Variants in NFIX observed in about 807,000 individuals in gnomAD.
NFIX encodes the protein nuclear factor 1 X-type.
Under a neutral mutation model 53.3 loss-of-function variants are expected in NFIX, and 2 were observed. The ratio of observed to expected loss-of-function variants is 0.04; its 90% CI spans 0.02 to 0.12. The LOEUF (loss-of-function observed/expected upper bound fraction) is 0.12. Ranked by LOEUF, NFIX falls within the 10% of genes least tolerant of loss-of-function variation. NFIX has a pLI of 1.00. For synonymous variants in NFIX, 244 were observed against 289.0 expected (o/e 0.84, Z 1.58); for missense variants, 310 against 674.5 (o/e 0.46, Z 5.99).
Position 13,073,810 on chromosome 19 carries a change from C to T in NFIX, c.698-96C>T, listed in dbSNP as rs1456865938. 6.5e-7 allele frequency: 1 copy of T among 1,536,742 alleles called. No homozygotes were observed. Among genetic ancestry groups the T allele is most frequent in the East Asian group, 2.3e-5 (1 of 42,744 alleles). On this transcript the variant is annotated intron_variant, in intron 4 of 10. Transcript: ENST00000592199. The surrounding 1 kb of genome is among the most constrained non-coding windows in gnomAD (Gnocchi z 4.5). Reference sequence around the variant, plus strand: ...CCATCTCCTGGCCCCACAGTAAACTCACCCTGGGCTTCTGGGAAGCTGTTC... The same window carrying T: ...CCATCTCCTGGCCCCACAGTAAACTTACCCTGGGCTTCTGGGAAGCTGTTC...
intron 2 of NFIX, among the ~76,000 whole-genome samples, chr19:13,030,457 T>C (rs1168471933): frequency 1.3e-5 from 2 of 152,202 alleles, no homozygotes; most frequent in African/African-American, 4.8e-5. Context: ...TACTTGTTGG[T>C]CTTTTTTTTC....
Position 13,067,966 on chromosome 19 carries a change from CTGG to C in NFIX, c.560-5078_560-5076del, listed in dbSNP as rs1301058450. 6.6e-6 allele frequency among the ~76,000 whole-genome samples: 1 copy of C among 151,824 alleles called. No individual in the cohort carries two copies. The highest frequency in any genetic ancestry group is 2.4e-5 in the African/African-American group (1 of 41,328). ...TAAAAATACAAAAAATTAGCTGGTC[CTGG>C]TGACAGGTGCCTGTAGTTCCCAGTA... On this transcript the variant is annotated intron_variant, in intron 2 of 10. Coordinates refer to ENST00000592199, the MANE Select transcript of NFIX (RefSeq NM_001365902.3). The surrounding 1 kb of genome is among the most constrained non-coding windows in gnomAD (Gnocchi z 4.2).
intron 5 of NFIX, 146 bp downstream of exon 5, chr19:13,074,172 T>C (rs909884304): frequency 2.8e-6 from 3 of 1,077,166 alleles, no homozygotes; most frequent in South Asian, 1.5e-5. Flanking sequence ...TCTAACACTT[T>C]AGAGTCCACC....
At chr19:13,007,691 C>G (rs1048622286) in intron 1 of NFIX, among the ~76,000 whole-genome samples, 3 of 152,212 alleles carry the variant, frequency 2.0e-5, no homozygotes, top group Admixed American at 2.0e-4. Context: ...TCGGAGGAAC[C>G]GGTTTAATGC....
intron 2 of NFIX, among the ~76,000 whole-genome samples, chr19:13,057,986 G>A (rs551943017): frequency 2.0e-5 from 3 of 152,278 alleles, no homozygotes; most frequent in East Asian, 3.9e-4. Context: ...ATCCTGGAGG[G>A]CTGGGGAGAG....
chr19:13,050,128 C>G (rs1007502938), intron 2 of NFIX, among the ~76,000 whole-genome samples: 1 of 152,176 alleles, frequency 6.6e-6, no homozygotes, highest in Admixed American at 6.5e-5. Flanking sequence ...TCTTGTCTGC[C>G]CAGCAGTGCT....
At chr19:13,019,371 T>G (rs1026189073) in intron 1 of NFIX, among the ~76,000 whole-genome samples, 5 of 152,202 alleles carry the variant, frequency 3.3e-5, no homozygotes, top group Non-Finnish European at 5.9e-5. Flanking sequence ...TGTGTAGAGT[T>G]TTTGAAAACC....
chr19:13,055,086 C>G (rs1443861308), intron 2 of NFIX, among the ~76,000 whole-genome samples: 1 of 150,996 alleles, frequency 6.6e-6, no homozygotes, highest in Non-Finnish European at 1.5e-5. Flanking sequence ...CCTAATAATC[C>G]CCCCTTTCCA....
At chr19:13,007,872 G>C (rs574319922) in intron 1 of NFIX, among the ~76,000 whole-genome samples, 111 of 152,282 alleles carry the variant, frequency 7.3e-4, no homozygotes, top group Middle Eastern at 3.4e-3. Context: ...CTTTCGGTGG[G>C]GGGGTGCTCC....
rs561691913 is a variant in NFIX, at chr19:13,094,391, G to A, written c.1495-244G>A. Among the ~76,000 whole-genome samples, 5 of 152,348 alleles carry A rather than the reference G, an allele frequency of 3.3e-5. No homozygotes were observed. The highest frequency in any genetic ancestry group is 1.9e-4 in the East Asian group (1 of 5,184). The stretch of plus-strand genomic sequence containing the variant: ...CCCACCCGCTGGGCACAGTGCCCAC[G>A]GGAAGGCCAGCTGGACTCTAGCACT... On this transcript the variant is annotated intron_variant, in intron 10 of 10. Coordinates refer to ENST00000592199, the MANE Select transcript of NFIX (RefSeq NM_001365902.3). The surrounding 1 kb of genome is among the most constrained non-coding windows in gnomAD (Gnocchi z 4.3).
In NFIX at chr19:13,066,574, T is replaced by C. The variant is rs574257689; in HGVS notation, c.560-6473T>C. Among the ~76,000 whole-genome samples, 8 of 152,212 alleles carry C rather than the reference T, an allele frequency of 5.3e-5. No individual in the cohort carries two copies. Among genetic ancestry groups the C allele is most frequent in the Non-Finnish European group, 8.8e-5 (6 of 67,996 alleles). On this transcript the variant is annotated intron_variant, in intron 2 of 10. Transcript: ENST00000592199. This position sits in a 1 kb window ranked among gnomAD's most constrained non-coding sequence, Gnocchi z 4.2. ...GGAATGAGGAAAGGGGAGAGGACGA[T>C]AATGGGGTGACATGTTCCCCTGTCC...
chr19:13,052,905 C>T lies in NFIX; in HGVS notation c.560-20142C>T, dbSNP rs569998908. The stretch of plus-strand genomic sequence containing the variant: ...AGTCTGTGTCTTCCCATGTTCCCTT[C>T]GTCCTGTTCACAGGGAGGTGGAAAT... On this transcript the variant is annotated intron_variant, in intron 2 of 10. Transcript: ENST00000592199. The surrounding 1 kb of genome is among the most constrained non-coding windows in gnomAD (Gnocchi z 5.2). Among the ~76,000 whole-genome samples the T allele has an allele frequency of 2.6e-5, 4 of 152,330 alleles. No homozygotes were observed. Among genetic ancestry groups the T allele is most frequent in the African/African-American group, 4.8e-5 (2 of 41,574 alleles).
At position 13,078,609 on chromosome 19, in the gene NFIX, C is replaced by G. The variant is rs1046851486; in HGVS notation, c.956-4C>G. The G allele has an allele frequency of 3.5e-5, 56 of 1,598,854 alleles. 1 individual carries two copies. The highest frequency in any genetic ancestry group is 8.6e-5 in the Admixed American group (5 of 58,340). On this transcript the variant is annotated splice_region_variant and splice_polypyrimidine_tract_variant and intron_variant, in intron 6 of 10. Transcript: ENST00000592199. This position sits in a 1 kb window ranked among gnomAD's most constrained non-coding sequence, Gnocchi z 4.7. Reference sequence around the variant, plus strand: ...TGCCCTGTGTTGCTGCTTCCTCCCCCCAGGCCCGGCTTCTCTAAAGAAGTC... The same window carrying G: ...TGCCCTGTGTTGCTGCTTCCTCCCCGCAGGCCCGGCTTCTCTAAAGAAGTC...
chr19:13,045,001 G>A lies in NFIX; in HGVS notation c.559+19449G>A, dbSNP rs1048792823. Among the ~76,000 whole-genome samples, 3 of 152,176 alleles carry A rather than the reference G, an allele frequency of 2.0e-5. No individual in the cohort carries two copies. The highest frequency in any genetic ancestry group is 6.5e-5 in the Admixed American group (1 of 15,286). On this transcript the variant is annotated intron_variant, in intron 2 of 10. Transcript: ENST00000592199. The surrounding 1 kb of genome is among the most constrained non-coding windows in gnomAD (Gnocchi z 4.4). ...CCCACTGCAGGCTGTGGGATGACAC[G>A]GGATGACTGCAGTACTGAGGATGGT...
chr19:13,059,801 T>A (rs1164582523), intron 2 of NFIX, among the ~76,000 whole-genome samples: 2 of 127,422 alleles, frequency 1.6e-5, no homozygotes, highest in African/African-American at 3.3e-5. Flanking sequence ...TTTTTTTTTT[T>A]GAGACGGAGT....
intron 6 of NFIX, among the ~76,000 whole-genome samples, chr19:13,076,358 T>C (rs1311455078): frequency 6.6e-6 from 1 of 152,064 alleles, no homozygotes; most frequent in African/African-American, 2.4e-5. Context: ...CCTCTAGGGA[T>C]CTTCTTCTTG....
In NFIX at chr19:13,081,136, GA is replaced by G. The variant is rs979571836; in HGVS notation, c.1079-532del. Among the ~76,000 whole-genome samples, 79 of 141,714 alleles carry G rather than the reference GA, an allele frequency of 5.6e-4. No homozygotes were observed. Among genetic ancestry groups the G allele is most frequent in the Middle Eastern group, 3.6e-3 (1 of 274 alleles). 93.0% of individuals were successfully genotyped at this position (141,714 alleles called of 152,430 possible). A position where few individuals can be genotyped will look rare whatever the true frequency, so the allele number is the denominator to read the frequency against. Reference sequence around the variant, plus strand: ...ACAATATGGCAAAATCTCATCTCTAGAAAAAAAAAAAAGCAAAAATCTACCA... The same window carrying G: ...ACAATATGGCAAAATCTCATCTCTAGAAAAAAAAAAAGCAAAAATCTACCA... On this transcript the variant is annotated intron_variant, in intron 7 of 10. Transcript: ENST00000592199. The surrounding 1 kb of genome is among the most constrained non-coding windows in gnomAD (Gnocchi z 4.7).
chr19:13,087,918 C>T (rs888824543), intron 8 of NFIX, 71 bp from the exon 9 acceptor site: 123 of 1,520,120 alleles, frequency 8.1e-5, no homozygotes, highest in Non-Finnish European at 9.7e-5. Flanking sequence ...CGAGCTGGCG[C>T]GGCCGCGCAG....
intron 2 of NFIX, among the ~76,000 whole-genome samples, chr19:13,059,517 C>A (rs1399719656): frequency 6.6e-6 from 1 of 152,216 alleles, no homozygotes; most frequent in Non-Finnish European, 1.5e-5. Flanking sequence ...GCAAATCCCT[C>A]CTTCCAGGTT....
Sources: allele counts gnomAD v4.1 joint callset (sites outside exome capture counted in the v4.1 genomes callset), GRCh38; gene constraint gnomAD v4.1.1; non-coding constraint Gnocchi (gnomAD v3.1); transcripts MANE v1.5; gene names NCBI Gene and HGNC (gene_info 2026-07-23, HGNC 2026-07-21).